Variants in UGT1A7 observed in about 807,000 individuals in gnomAD.
UGT1A7 encodes the protein UDP-glucuronosyltransferase 1A7.
In UGT1A7, 33 loss-of-function variants were observed where a neutral mutation model predicts 45.6. The observed-to-expected ratio is 0.72, with a 90% CI of 0.55 to 0.97. UGT1A7 has a LOEUF of 0.97. UGT1A7 is among the 50% of genes least tolerant of loss of function. The pLI is 0.00. For synonymous variants in UGT1A7, 274 were observed against 250.6 expected (o/e 1.09, Z -0.88); for missense variants, 684 against 666.2 (o/e 1.03, Z -0.29).
intron 1 of UGT1A7, among the ~76,000 whole-genome samples, chr2:233,687,583 TAAAAAAAAA>T (rs71398794): frequency 9.3e-6 from 1 of 107,468 alleles, no homozygotes; most frequent in South Asian, 3.0e-4. Flanking sequence ...ACATTCTTTG[TAAAAAAAAA>T]AAAAAAAAAA....
chr2:233,718,626 C>T lies in UGT1A7; in HGVS notation c.855+35834C>T, dbSNP rs552976207. 130 of 926,994 alleles carry T rather than the reference C, an allele frequency of 1.4e-4. No individual in the cohort carries two copies. The South Asian group carries it at 5.5e-3, about 39-fold the overall frequency. The allele number at this position is 926,994 out of a possible 1,614,324, so 57.4% of individuals were successfully genotyped here. On this transcript the variant is annotated intron_variant, in intron 1 of 4. Transcript: ENST00000373426. ...GCTTTTCAAGATAGGCGTGATTGGT[C>T]TTTCCCAGGGTTGGGCCCATAACGA...
intron 1 of UGT1A7, among the ~76,000 whole-genome samples, chr2:233,694,225 A>T (rs1242026772): frequency 6.6e-6 from 1 of 152,116 alleles, no homozygotes; most frequent in African/African-American, 2.4e-5. Context: ...ACTCTGTCCC[A>T]TGCTTTGTCT....
intron 1 of UGT1A7, chr2:233,743,145 C>T (rs1174394425): frequency 2.3e-5 from 8 of 355,378 alleles, no homozygotes; most frequent in Admixed American, 7.6e-5. Context: ...AAAAAAAGTC[C>T]GCTATTCCTC....
intron 2 of UGT1A7, 109 bp downstream of exon 2, chr2:233,767,274 T>C (rs1575825821): frequency 5.7e-6 from 9 of 1,580,016 alleles, no homozygotes. Context: ...ATTTGGCTTT[T>C]CCCTGCCACT....
chr2:233,747,040 A>T (rs1268606849), intron 1 of UGT1A7, among the ~76,000 whole-genome samples: 1 of 151,966 alleles, frequency 6.6e-6, no homozygotes, highest in Admixed American at 6.5e-5. Context: ...GGGACCCATA[A>T]TGAAAGACAA....
rs555064194 is a variant in UGT1A7 at position 233,744,160 on chromosome 2, C to T, written c.856-22874C>T. ...TGTGATGCTCCAAGACCAGGCCCCG[C>T]CCACTCCGGCCTCCAACCAGCCATG... On this transcript the variant is annotated intron_variant, in intron 1 of 4. Coordinates refer to ENST00000373426, the MANE Select transcript of UGT1A7 (RefSeq NM_019077.3). 16 of 294,652 alleles carry T rather than the reference C, an allele frequency of 5.4e-5. No homozygotes were observed. In the East Asian group the frequency reaches 1.5e-3, roughly 28 times the overall value. 18.3% of individuals were successfully genotyped at this position (294,652 alleles called of 1,614,324 possible).
intron 1 of UGT1A7, chr2:233,743,980 G>C: frequency 7.7e-7 from 1 of 1,302,864 alleles, no homozygotes; most frequent in Non-Finnish European, 1.0e-6. Context: ...CCAGCACCCA[G>C]GCGCAGGCCC....
At position 233,754,981 on chromosome 2, in the gene UGT1A7, C is replaced by G. The variant is rs561889596; in HGVS notation, c.856-12053C>G. 2.3e-6 allele frequency: 3 copies of G among 1,295,894 alleles called. No individual in the cohort carries two copies. The Admixed American group carries it at 5.7e-5, about 25-fold the overall frequency. 80.3% of individuals were successfully genotyped at this position (1,295,894 alleles called of 1,614,324 possible). ...CCAAAGAACTCCCTGAAGACCTCGG[C>G]GGGGTCACGGAAGCTGAAGACCTAC... On this transcript the variant is annotated intron_variant, in intron 1 of 4. Coordinates refer to ENST00000373426, the MANE Select transcript of UGT1A7 (RefSeq NM_019077.3).
At chr2:233,692,569 C>G (rs2075102879) in intron 1 of UGT1A7, among the ~76,000 whole-genome samples, 3 of 152,158 alleles carry the variant, frequency 2.0e-5, no homozygotes, top group Admixed American at 2.0e-4. Context: ...GGATACCCAG[C>G]TGGTGTTAGA....
intron 1 of UGT1A7, chr2:233,713,853 T>C: frequency 6.2e-7 from 1 of 1,613,998 alleles, no homozygotes. Context: ...GAAGCCACTA[T>C]CTCAGGTCTG....
At chr2:233,736,684 C>G (rs2078792768) in intron 1 of UGT1A7, among the ~76,000 whole-genome samples, 1 of 152,148 alleles carries the variant, frequency 6.6e-6, no homozygotes, top group Non-Finnish European at 1.5e-5. Flanking sequence ...ATGTTGGTGA[C>G]CTACAGATGG....
At chr2:233,734,469 G>A (rs2078529188) in intron 1 of UGT1A7, among the ~76,000 whole-genome samples, 1 of 149,640 alleles carries the variant, frequency 6.7e-6, no homozygotes, top group Non-Finnish European at 1.5e-5. Flanking sequence ...TCCATCTCCT[G>A]GATTCATTGA....
At chr2:233,754,995 C>T (rs769077985) in intron 1 of UGT1A7, 25 of 1,295,296 alleles carry the variant, frequency 1.9e-5, no homozygotes, top group Non-Finnish European at 2.3e-5. Flanking sequence ...GTCACGGAAG[C>T]TGAAGACCTA....
chr2:233,721,912 C>T (rs2125685075), intron 1 of UGT1A7: 6 of 427,588 alleles, frequency 1.4e-5, no homozygotes, highest in Middle Eastern at 5.8e-4. Context: ...GTGCACACTG[C>T]TTCCATAAAG....
At chr2:233,766,319 A>G (rs1575819132) in intron 1 of UGT1A7, among the ~76,000 whole-genome samples, 1 of 151,982 alleles carries the variant, frequency 6.6e-6, no homozygotes, top group African/African-American at 2.4e-5. Flanking sequence ...GCCTCAGCCA[A>G]ACTCCGCGTT....
At chr2:233,693,977 T>TG in intron 1 of UGT1A7, 1 of 1,559,130 alleles carries the variant, frequency 6.4e-7, no homozygotes, top group Non-Finnish European at 8.7e-7. Context: ...GGAGAAACGG[T>TG]GGGGGGAAGT....
intron 1 of UGT1A7, chr2:233,689,926 C>A (rs185092519): frequency 4.4e-6 from 2 of 456,604 alleles, no homozygotes; most frequent in Non-Finnish European, 8.8e-6. Context: ...GAATTTCCTT[C>A]GAAAGAACCC....
intron 1 of UGT1A7, among the ~76,000 whole-genome samples, chr2:233,757,815 T>G (rs4399719): frequency 0.55 from 83,125 of 151,008 alleles, 25,001 homozygotes; most frequent in African/African-American, 0.81. Context: ...AAGGAGCTGG[T>G]AGTGTGTCTG....
In UGT1A7 at chr2:233,769,240, G is replaced by A. The variant is rs1056982803; in HGVS notation, c.1295+801G>A. The stretch of plus-strand genomic sequence containing the variant: ...TTAGAATAAGAGCAAAGGAAAATTT[G>A]CTCAAATGTGGCCCTGAAAACGATT... On this transcript the variant is annotated intron_variant, in intron 4 of 4. Transcript: ENST00000373426. This position sits in a 1 kb window ranked among gnomAD's most constrained non-coding sequence, Gnocchi z 4.4. 6.6e-6 allele frequency among the ~76,000 whole-genome samples: 1 copy of A among 152,196 alleles called. No individual in the cohort carries two copies. The highest frequency in any genetic ancestry group is 6.5e-5 in the Admixed American group (1 of 15,280).
Sources: gnomAD v4.1 joint callset for allele counts (sites outside exome capture counted in the v4.1 genomes callset) on GRCh38, gnomAD v4.1.1 for gene constraint, Gnocchi (gnomAD v3.1) non-coding constraint, MANE v1.5 for transcripts, NCBI Gene and HGNC (gene_info 2026-07-23, HGNC 2026-07-21) for gene names.